Variants in LVRN observed in about 807,000 individuals in gnomAD.
LVRN encodes aminopeptidase Q.
Under a neutral mutation model 111.4 loss-of-function variants are expected in LVRN, and 99 were observed. The ratio of observed to expected loss-of-function variants is 0.89; its 90% CI spans 0.76 to 1.05. The LOEUF (loss-of-function observed/expected upper bound fraction) is 1.05. Among genes scored for constraint, LVRN ranks in the 50% least tolerant of loss-of-function variants. The pLI, the probability that LVRN is intolerant of heterozygous loss-of-function variation, is 0.00. For synonymous variants in LVRN, 488 were observed against 449.5 expected, an observed-to-expected ratio of 1.09 and a Z score of -1.08; for missense variants, 1,414 against 1,206.8, an observed-to-expected ratio of 1.17 and a Z score of -2.54.
chr5:116,003,519 TTCTTA>T, intron 12 of LVRN, 139 bp downstream of exon 12: 1 of 497,230 alleles, frequency 2.0e-6, no homozygotes, highest in African/African-American at 2.0e-5. Flanking sequence ...AGATTTTTTT[TTCTTA>T]TTCTTAACAA....
At chr5:116,023,291 C>G (rs141454231) in intron 19 of LVRN, 1 of 152,220 alleles carries the variant, frequency 6.6e-6, no homozygotes, top group African/African-American at 2.4e-5. Flanking sequence ...TTAGTTTTGT[C>G]TATTCTAGGT....
intron 16 of LVRN, among the ~76,000 whole-genome samples, chr5:116,014,860 T>C (rs1748566673): frequency 1.3e-5 from 2 of 152,114 alleles, no homozygotes; most frequent in East Asian, 3.9e-4. Context: ...TATCTATGAG[T>C]GCAGCAGAGC....
Position 115,963,225 on chromosome 5 carries a change from A to T in LVRN, c.608A>T (p.Glu203Val), listed in dbSNP as rs1245552565. The change falls in exon 1 of 20, where the codon GAG (glutamate) becomes GTG (valine). Residue 203 changes from glutamate (E) to valine (V), a missense_variant. Glu to Val is a moderately radical substitution (Grantham distance 121, BLOSUM62 -2). Coordinates refer to ENST00000357872, the MANE Select transcript of LVRN (RefSeq NM_173800.5). ...SEPLKPGSSY[E>V]LQLSFSGLVK... The stretch of plus-strand genomic sequence containing the variant: ...CCCCTGAAACCTGGTAGCAGCTACG[A>T]GCTGCAGCTTAGCTTCTCGGGCCTG... The T allele has an allele frequency of 3.1e-6, 5 of 1,612,812 alleles. No individual in the cohort carries two copies. The South Asian group carries it at 3.3e-5, about 11-fold the overall frequency.
At chr5:115,964,849 A>G (rs1753169223) in intron 1 of LVRN, among the ~76,000 whole-genome samples, 1 of 152,226 alleles carries the variant, frequency 6.6e-6, no homozygotes, top group Admixed American at 6.5e-5. Context: ...TAGAGCTCCA[A>G]AATTGTGATG....
intron 4 of LVRN, among the ~76,000 whole-genome samples, chr5:115,990,738 A>T (rs537746042): frequency 1.7e-4 from 25 of 151,358 alleles, no homozygotes; most frequent in Non-Finnish European, 3.2e-4. Flanking sequence ...TGCCCAGCTA[A>T]TTTTTCTATT....
chr5:115,998,894 G>A (rs1748176439), intron 6 of LVRN, among the ~76,000 whole-genome samples: 1 of 152,148 alleles, frequency 6.6e-6, no homozygotes, highest in South Asian at 2.1e-4. Flanking sequence ...AAAATAATGT[G>A]CTAATAGAAA....
chr5:116,023,391 A>C (rs13187502), intron 19 of LVRN: 1 of 152,168 alleles, frequency 6.6e-6, no homozygotes, highest in Non-Finnish European at 1.5e-5. Context: ...CTCCCCACTT[A>C]TATAATCCTC....
chr5:115,983,454 C>G (rs1302815329), intron 2 of LVRN, 25 bp downstream of exon 2: 1 of 1,571,984 alleles, frequency 6.4e-7, no homozygotes, highest in East Asian at 2.2e-5. Flanking sequence ...CTGTCTATAT[C>G]TAGCTGTCTA....
intron 9 of LVRN, among the ~76,000 whole-genome samples, 168 bp from the exon 10 acceptor site, chr5:116,000,899 A>C (rs1359500396): frequency 1.3e-5 from 2 of 152,328 alleles, no homozygotes; most frequent in East Asian, 3.9e-4. Context: ...GAATTAAAGA[A>C]CCATTCATAT....
At chr5:115,995,947 C>CGTGT (rs3072895) in intron 6 of LVRN, among the ~76,000 whole-genome samples, 1 of 150,862 alleles carries the variant, frequency 6.6e-6, no homozygotes, top group Non-Finnish European at 1.5e-5. Flanking sequence ...AGAAGCTAAT[C>CGTGT]GTGTGTGTGT....
chr5:115,980,946 G>C (rs979337294), intron 1 of LVRN, among the ~76,000 whole-genome samples: 1 of 152,050 alleles, frequency 6.6e-6, no homozygotes, highest in African/African-American at 2.4e-5. Context: ...TAGAATCACA[G>C]TTTTAGAGTT....
rs1748201377 is a variant in LVRN, at chr5:115,999,909, G to A, written c.1515+7G>A. On this transcript the variant is annotated splice_region_variant and intron_variant, in intron 7 of 19. Transcript: ENST00000357872. ...CATATTTACTTACAGCAAGGTAAAA[G>A]CAGTTAGAAATTTCCTTTGGTTTTG... The A allele has an allele frequency of 6.2e-7, 1 of 1,602,118 alleles. No homozygotes were observed. The highest frequency in any genetic ancestry group is 1.1e-5 in the South Asian group (1 of 89,128).
intron 10 of LVRN, among the ~76,000 whole-genome samples, chr5:116,002,480 G>C (rs1420917532): frequency 1.3e-5 from 2 of 152,218 alleles, no homozygotes; most frequent in African/African-American, 4.8e-5. Context: ...TCTGGGCATG[G>C]ACGGATTTAG....
intron 4 of LVRN, among the ~76,000 whole-genome samples, chr5:115,988,745 T>C (rs939579839): frequency 6.6e-6 from 1 of 151,964 alleles, no homozygotes; most frequent in African/African-American, 2.4e-5. Context: ...GAATGGGGAA[T>C]GAAGGGATGG....
intron 1 of LVRN, among the ~76,000 whole-genome samples, chr5:115,979,521 G>A (rs545174233): frequency 1.8e-4 from 27 of 152,186 alleles, no homozygotes; most frequent in African/African-American, 6.5e-4. Flanking sequence ...CCCTCATGTA[G>A]CTGAGAAGCC....
chr5:116,001,294 C>T, intron 10 of LVRN, 55 bp downstream of exon 10: 1 of 1,577,184 alleles, frequency 6.3e-7, no homozygotes, highest in South Asian at 1.1e-5. Context: ...AGCTCTGACC[C>T]AATGGAATCC....
At position 115,993,531 on chromosome 5, in the gene LVRN, G is replaced by C. The variant is rs1748041174; in HGVS notation, c.1261-210G>C. Among the ~76,000 whole-genome samples the C allele has an allele frequency of 7.2e-5, 11 of 152,240 alleles. No individual in the cohort carries two copies. The South Asian group carries it at 2.3e-3, about 32-fold the overall frequency. On this transcript the variant is annotated intron_variant, in intron 5 of 19. Transcript: ENST00000357872. The stretch of plus-strand genomic sequence containing the variant: ...AAAATTGCTTTTAATAATTGAACAT[G>C]GAATATTTCTGAGAAATGCATGACT...
At position 116,000,429 on chromosome 5, in the gene LVRN, C is replaced by T; in HGVS notation, c.1516-4C>T. ...CAAATAATGGACAGCTTCTTTTGTC[C>T]TAGGGAGCGTCTATGGCCCGGATGC... On this transcript the variant is annotated splice_polypyrimidine_tract_variant and splice_region_variant and intron_variant, in intron 7 of 19. Coordinates refer to ENST00000357872, the MANE Select transcript of LVRN (RefSeq NM_173800.5). The T allele has an allele frequency of 6.2e-7, 1 of 1,614,030 alleles. No homozygotes were observed. The highest frequency in any genetic ancestry group is 8.5e-7 in the Non-Finnish European group (1 of 1,179,926).
Position 116,000,428 on chromosome 5 carries a change from C to G in LVRN, c.1516-5C>G. ...TCAAATAATGGACAGCTTCTTTTGT[C>G]CTAGGGAGCGTCTATGGCCCGGATG... On this transcript the variant is annotated splice_polypyrimidine_tract_variant and splice_region_variant and intron_variant, in intron 7 of 19. Coordinates refer to ENST00000357872, the MANE Select transcript of LVRN (RefSeq NM_173800.5). 6.2e-7 allele frequency: 1 copy of G among 1,614,000 alleles called. No homozygotes were observed. The highest frequency in any genetic ancestry group is 8.5e-7 in the Non-Finnish European group (1 of 1,179,922).
Sources: gnomAD v4.1 joint callset for allele counts (sites outside exome capture counted in the v4.1 genomes callset) on GRCh38, gnomAD v4.1.1 for gene constraint, MANE v1.5 for transcripts, NCBI Gene and HGNC (gene_info 2026-07-23, HGNC 2026-07-21) for gene names.